The following ZRANB1 variants were observed in gnomAD, a reference collection of about 807,000 sequenced individuals.
The protein encoded by ZRANB1 is zinc finger RANBP2-type containing 1.
In ZRANB1, 16 loss-of-function variants were observed where a neutral mutation model predicts 80.5. The ratio of observed to expected loss-of-function variants is 0.20; its 90% CI spans 0.13 to 0.30. ZRANB1 has a LOEUF of 0.30. ZRANB1 is among the 10% of genes least tolerant of loss of function. ZRANB1 has a pLI of 1.00. For missense variants in ZRANB1, 576 were observed against 862.6 expected (o/e 0.67, Z 4.16); for synonymous variants, 291 against 293.1 (o/e 0.99, Z 0.07).
At chr10:124,962,375 C>T in intron 1 of ZRANB1, 1 of 985,376 alleles carries the variant, frequency 1.0e-6, no homozygotes, top group Non-Finnish European at 1.2e-6. Context: ...CATAGAACTC[C>T]AGGGTAGTGT....
chr10:124,963,443 A>C (rs1951750361), intron 1 of ZRANB1, among the ~76,000 whole-genome samples: 1 of 151,086 alleles, frequency 6.6e-6, no homozygotes, highest in Non-Finnish European at 1.5e-5. Context: ...TTCCCTGTCT[A>C]CCAACTCTTC....
the ZRANB1 span, among the ~76,000 whole-genome samples, chr10:124,926,200 A>C: frequency 1.3e-5 from 2 of 152,234 alleles, no homozygotes; most frequent in South Asian, 4.1e-4. Context: ...GGACATTACT[A>C]TACACCACTG....
chr10:124,936,786 G>C, the ZRANB1 span, among the ~76,000 whole-genome samples: 1 of 152,128 alleles, frequency 6.6e-6, no homozygotes, highest in Non-Finnish European at 1.5e-5. Context: ...TGAAAATTTA[G>C]CATGCTTGGA....
chr10:124,932,445 G>A, the ZRANB1 span, among the ~76,000 whole-genome samples: 5 of 151,894 alleles, frequency 3.3e-5, no homozygotes, highest in Non-Finnish European at 5.9e-5. Context: ...ACCCGCCACC[G>A]CACCTGGCTA....
At chr10:124,943,389 A>G in intron 1 of ZRANB1, 82 bp downstream of exon 1, 1 of 1,377,108 alleles carries the variant, frequency 7.3e-7, no homozygotes, top group Non-Finnish European at 9.9e-7. Context: ...GTGCGCTGAC[A>G]CACGTTTGTG....
chr10:124,918,914 T>TGTC, the ZRANB1 span, among the ~76,000 whole-genome samples: 1 of 152,212 alleles, frequency 6.6e-6, no homozygotes, highest in Non-Finnish European at 1.5e-5. Flanking sequence ...AGGAGGATGT[T>TGTC]ATCTGAGTGT....
chr10:124,971,863 C>A (rs1259598115), intron 2 of ZRANB1, 102 bp from the exon 3 acceptor site: 6 of 1,134,646 alleles, frequency 5.3e-6, no homozygotes, highest in East Asian at 2.6e-5. Context: ...TAAAGAAAAC[C>A]TTGAGTTATT....
chr10:124,980,038 A>T (rs541276391), intron 5 of ZRANB1, among the ~76,000 whole-genome samples: 1 of 152,330 alleles, frequency 6.6e-6, no homozygotes, highest in Admixed American at 6.5e-5. Flanking sequence ...ACATTTTAGG[A>T]TACAGCTTTA....
chr10:124,917,689 A>G, the ZRANB1 span, among the ~76,000 whole-genome samples: 1 of 152,056 alleles, frequency 6.6e-6, no homozygotes, highest in Non-Finnish European at 1.5e-5. Context: ...GTGTCTCCAA[A>G]CTTGTATTTC....
the ZRANB1 span, among the ~76,000 whole-genome samples, chr10:124,917,567 C>T: frequency 1.3e-5 from 2 of 152,216 alleles, no homozygotes; most frequent in African/African-American, 4.8e-5. Flanking sequence ...GCTCTTCCGC[C>T]AGATTTCCCC....
At chr10:124,944,279 T>G (rs746024000) in intron 1 of ZRANB1, among the ~76,000 whole-genome samples, 2 of 152,172 alleles carry the variant, frequency 1.3e-5, no homozygotes, top group Non-Finnish European at 2.9e-5. Flanking sequence ...AAATTTTGAA[T>G]GATTACTAAG....
At chr10:124,975,554 T>G (rs1951869325) in intron 5 of ZRANB1, among the ~76,000 whole-genome samples, 1 of 152,250 alleles carries the variant, frequency 6.6e-6, no homozygotes, top group Admixed American at 6.5e-5. Flanking sequence ...AAAATAATTG[T>G]TTTTGTGAAT....
chr10:124,962,745 C>T (rs985988291), intron 1 of ZRANB1, among the ~76,000 whole-genome samples: 1 of 152,012 alleles, frequency 6.6e-6, no homozygotes, highest in Non-Finnish European at 1.5e-5. Flanking sequence ...CATTCTTAGG[C>T]CTTCATGTTT....
rs140133454 is a variant in ZRANB1 at position 124,983,817 on chromosome 10, A to G, written c.1908+129A>G. On this transcript the variant is annotated intron_variant, in intron 8 of 8. Coordinates refer to ENST00000359653, the MANE Select transcript of ZRANB1 (RefSeq NM_017580.3). This position sits in a 1 kb window ranked among gnomAD's most constrained non-coding sequence, Gnocchi z 6.2. ...TGAATGTGATGGTAGTAATTGCTGA[A>G]GGTACTAGCTATACTTTGAAATTTA... 7.0e-4 allele frequency: 485 copies of G among 694,382 alleles called. 8 individuals carry two copies. In the East Asian group the frequency reaches 0.011, roughly 15 times the overall value. The allele number at this position is 694,382 out of a possible 1,614,324, so 43.0% of individuals were successfully genotyped here. A position where few individuals can be genotyped will look rare whatever the true frequency, so the allele number is the denominator to read the frequency against.
chr10:124,983,102 A>G lies in ZRANB1; in HGVS notation c.1549-73A>G. 6.8e-7 allele frequency: 1 copy of G among 1,462,074 alleles called. No individual in the cohort carries two copies. Among genetic ancestry groups the G allele is most frequent in the Non-Finnish European group, 9.2e-7 (1 of 1,083,578 alleles). The allele number at this position is 1,462,074 out of a possible 1,614,324, so 90.6% of individuals were successfully genotyped here. A position where few individuals can be genotyped will look rare whatever the true frequency, so the allele number is the denominator to read the frequency against. On this transcript the variant is annotated intron_variant, in intron 6 of 8. Transcript: ENST00000359653. The surrounding 1 kb of genome is among the most constrained non-coding windows in gnomAD (Gnocchi z 6.2). The stretch of plus-strand genomic sequence containing the variant: ...TGCGATAGTATACTGAAGGGGAGGT[A>G]GTATTGTTTTTTACACATCAGTTTT...
At position 124,974,415 on chromosome 10, in the gene ZRANB1, C is replaced by G. The variant is rs753868021; in HGVS notation, c.1427+17C>G. 1 of 1,613,914 alleles carries G rather than the reference C, an allele frequency of 6.2e-7. No individual in the cohort carries two copies. The highest frequency in any genetic ancestry group is 8.5e-7 in the Non-Finnish European group (1 of 1,179,796). On this transcript the variant is annotated intron_variant, in intron 5 of 8. Transcript: ENST00000359653. Reference sequence around the variant, plus strand: ...TTCACATTGGTGAGCTGGCATTCTGCCCTGTTTCAACCCAGGAGTGCATTT... The same window carrying G: ...TTCACATTGGTGAGCTGGCATTCTGGCCTGTTTCAACCCAGGAGTGCATTT...
At chr10:124,954,434 G>A (rs1403402795) in intron 1 of ZRANB1, among the ~76,000 whole-genome samples, 1 of 149,852 alleles carries the variant, frequency 6.7e-6, no homozygotes, top group African/African-American at 2.5e-5. Flanking sequence ...AGTTAAAAAT[G>A]GTACATTAAA....
At chr10:124,960,487 A>C (rs1423938068) in intron 1 of ZRANB1, among the ~76,000 whole-genome samples, 1 of 152,140 alleles carries the variant, frequency 6.6e-6, no homozygotes, top group Non-Finnish European at 1.5e-5. Context: ...GTTGGAGTGC[A>C]ATGGCGTGAT....
At chr10:124,965,715 T>A (rs549279036) in intron 1 of ZRANB1, among the ~76,000 whole-genome samples, 6 of 152,338 alleles carry the variant, frequency 3.9e-5, no homozygotes, top group Non-Finnish European at 7.4e-5. Flanking sequence ...AATAATTTTT[T>A]AAAAATTGTT....
Sources: gnomAD v4.1 joint callset for allele counts (sites outside exome capture counted in the v4.1 genomes callset) on GRCh38, gnomAD v4.1.1 for gene constraint, Gnocchi (gnomAD v3.1) non-coding constraint, MANE v1.5 for transcripts, NCBI Gene and HGNC (gene_info 2026-07-23, HGNC 2026-07-21) for gene names.